CANX: variants seen among roughly 807,000 people sequenced by gnomAD.
CANX encodes calnexin, also known as epididymis secretory sperm binding protein.
CANX carries 14 observed loss-of-function variants against 75.7 expected under a neutral mutation model. The ratio of observed to expected loss-of-function variants is 0.19; its 90% CI spans 0.12 to 0.29. The LOEUF (loss-of-function observed/expected upper bound fraction) is 0.29. CANX is among the 10% of genes least tolerant of loss of function. The pLI is 1.00. For synonymous variants in CANX, 227 were observed against 236.9 expected (o/e 0.96, Z 0.38); for missense variants, 567 against 713.2 (o/e 0.79, Z 2.34).
chr5:179,726,377 C>CCATCCTG (rs969115430), intron 13 of CANX, among the ~76,000 whole-genome samples: 1 of 151,966 alleles, frequency 6.6e-6, no homozygotes, highest in African/African-American at 2.4e-5. Flanking sequence ...GAGATCGAGA[C>CCATCCTG]CATCCTGGCT....
chr5:179,721,012 G>C (rs1778278265), intron 10 of CANX, among the ~76,000 whole-genome samples: 1 of 151,828 alleles, frequency 6.6e-6, no homozygotes, highest in African/African-American at 2.4e-5. Flanking sequence ...TCGAACTCCT[G>C]ACCTCGCGAT....
At chr5:179,685,076 C>G (rs1020945118) in intron 1 of CANX, among the ~76,000 whole-genome samples, 4 of 151,608 alleles carry the variant, frequency 2.6e-5, no homozygotes, top group Admixed American at 6.6e-5. Flanking sequence ...CTGTGCCCGG[C>G]CTTAATAAAT....
chr5:179,723,034 C>T lies in CANX; in HGVS notation c.1398+15C>T, dbSNP rs779618252. The T allele has an allele frequency of 6.2e-7, 1 of 1,604,900 alleles. No homozygotes were observed. The highest frequency in any genetic ancestry group is 1.7e-5 in the Admixed American group (1 of 59,926). ...GGGCTGCTGAGGTTCGTGTTTGCTG[C>T]TTGTGCATTTGTGTCTGTTATTGTA... On this transcript the variant is annotated intron_variant, in intron 11 of 14. Transcript: ENST00000247461.
At chr5:179,678,944 G>T in intron 1 of CANX, 3 of 1,535,274 alleles carry the variant, frequency 2.0e-6, no homozygotes, top group Non-Finnish European at 2.6e-6. Context: ...GCGCATGCAC[G>T]GCGCGCCGTA....
upstream of CANX, among the ~76,000 whole-genome samples, chr5:179,696,662 C>T (rs781771755): frequency 4.6e-5 from 7 of 152,162 alleles, no homozygotes; most frequent in Non-Finnish European, 1.0e-4. Context: ...TTCTAGTAAG[C>T]TTGTTTGGCC....
chr5:179,707,076 T>C, intron 3 of CANX, 56 bp from the exon 4 acceptor site: 1 of 1,019,368 alleles, frequency 9.8e-7, no homozygotes, highest in Non-Finnish European at 1.6e-6. Context: ...TTACATAATT[T>C]TCCCTCACAA....
intron 7 of CANX, 140 bp from the exon 8 acceptor site, chr5:179,715,965 C>A: frequency 1.4e-6 from 1 of 718,620 alleles, no homozygotes; most frequent in Admixed American, 2.0e-5. Flanking sequence ...CCCAAGACCC[C>A]AGGAGCCAGG....
At chr5:179,678,688 C>G in exon 1 of CANX, 2 of 1,536,276 alleles carry the variant, frequency 1.3e-6, no homozygotes, top group Non-Finnish European at 1.7e-6. Context: ...CCGTCGGGAT[C>G]ACCTCGGGGT....
At chr5:179,709,704 A>T (rs1452606053) in intron 6 of CANX, 169 bp from the exon 7 acceptor site, 3 of 486,996 alleles carry the variant, frequency 6.2e-6, no homozygotes, top group Non-Finnish European at 1.1e-5. Context: ...AAATTTACTG[A>T]TGATTGCTGG....
rs1425181441 is a variant in CANX, at chr5:179,715,996, C to T, written c.722-109C>T. On this transcript the variant is annotated intron_variant, in intron 7 of 14. Transcript: ENST00000247461. The stretch of plus-strand genomic sequence containing the variant: ...CCAGGCATTGTTCTTACCCCAAAGC[C>T]TCAGGTCAGACTTCTGCTGCTTCAC... 3.6e-6 allele frequency: 3 copies of T among 830,714 alleles called. No homozygotes were observed. In the Admixed American group the frequency reaches 5.8e-5, roughly 16 times the overall value. The allele number at this position is 830,714 out of a possible 1,614,324, so 51.5% of individuals were successfully genotyped here. A position where few individuals can be genotyped will look rare whatever the true frequency, so the allele number is the denominator to read the frequency against.
intron 7 of CANX, among the ~76,000 whole-genome samples, chr5:179,711,173 T>G (rs1001682903): frequency 1.3e-5 from 2 of 152,168 alleles, no homozygotes; most frequent in African/African-American, 4.8e-5. Context: ...CCTGTAATCC[T>G]AACACTTCGG....
intron 6 of CANX, among the ~76,000 whole-genome samples, chr5:179,709,287 G>A (rs1324218824): frequency 1.3e-5 from 2 of 151,982 alleles, no homozygotes; most frequent in Admixed American, 6.6e-5. Flanking sequence ...GGTGGCAGGC[G>A]CCTGTAGTCC....
chr5:179,709,915 C>A lies in CANX; in HGVS notation c.571C>A (p.Pro191Thr), dbSNP rs1366740689. The A allele has an allele frequency of 6.2e-7, 1 of 1,610,272 alleles. No homozygotes were observed. The highest frequency in any genetic ancestry group is 8.5e-7 in the Non-Finnish European group (1 of 1,178,740). Residue 191 changes from proline to threonine, a missense_variant, in exon 7 of 15, where the codon CCA (proline) becomes ACA (threonine). Physicochemically the swap from Pro to Thr is conservative, Grantham distance 38. Around this residue, in one of 3 missense-constraint regions of CANX, gnomAD observed 351 missense variants for 433.8 expected, o/e 0.81. Transcript: ENST00000247461. The stretch of plus-strand genomic sequence containing the variant: ...GACCCCTTATACGATTATGTTTGGT[C>A]CAGATAAATGTGGAGAGGACTATAA... ...DKTPYTIMFG[P>T]DKCGEDYKLH... is the part of the protein sequence containing the mutation.
chr5:179,703,774 CT>C (rs1420600070), intron 1 of CANX, among the ~76,000 whole-genome samples: 2 of 151,864 alleles, frequency 1.3e-5, no homozygotes, highest in African/African-American at 4.8e-5. Flanking sequence ...GGAGAGGGTG[CT>C]GATTACTAGC....
intron 12 of CANX, 114 bp downstream of exon 12, chr5:179,723,893 G>C: frequency 1.1e-6 from 1 of 910,314 alleles, no homozygotes; most frequent in East Asian, 2.7e-5. Context: ...TAATGACCAA[G>C]CCATGTTTGG....
At chr5:179,701,433 A>G (rs1776749501) in intron 1 of CANX, among the ~76,000 whole-genome samples, 1 of 151,790 alleles carries the variant, frequency 6.6e-6, no homozygotes, top group Non-Finnish European at 1.5e-5. Context: ...TGTCTCTACT[A>G]AAAATACAGA....
rs1169285531 is a variant in CANX at position 179,699,065 on chromosome 5, G to C, written c.-41G>C. 1 of 1,096,366 alleles carries C rather than the reference G, an allele frequency of 9.1e-7. No individual in the cohort carries two copies. The highest frequency in any genetic ancestry group is 5.6e-5 in the Admixed American group (1 of 18,018). 67.9% of individuals were successfully genotyped at this position (1,096,366 alleles called of 1,614,324 possible). A position where few individuals can be genotyped will look rare whatever the true frequency, so the allele number is the denominator to read the frequency against. The stretch of plus-strand genomic sequence containing the variant: ...GCGGGGCAAGGTGTGCGGGCGGGAA[G>C]GGGCACGGGCACCCCCGCGGTCCCC... On this transcript the variant is annotated 5_prime_UTR_variant, in exon 1 of 15. Transcript: ENST00000247461.
intron 3 of CANX, among the ~76,000 whole-genome samples, chr5:179,706,668 G>T (rs1473343323): frequency 6.6e-6 from 1 of 152,104 alleles, no homozygotes; most frequent in Non-Finnish European, 1.5e-5. Flanking sequence ...TGTTGGCCAG[G>T]CTGGTCTTGA....
chr5:179,679,296 G>A (rs575751683), intron 1 of CANX: 171 of 1,487,772 alleles, frequency 1.1e-4, no homozygotes, highest in South Asian at 5.9e-4. Context: ...TGAGCAGCGT[G>A]CTTGGTACAG....
Sources: allele counts gnomAD v4.1 joint callset (sites outside exome capture counted in the v4.1 genomes callset), GRCh38; gene constraint gnomAD v4.1.1; regional missense constraint gnomAD v4.1.1; transcripts MANE v1.5; gene names NCBI Gene and HGNC (gene_info 2026-07-23, HGNC 2026-07-21).